Variants in ACBD5 observed in about 807,000 individuals in gnomAD.
The protein encoded by ACBD5 is acyl-CoA binding domain containing 5.
In ACBD5, 40 loss-of-function variants were observed where a neutral mutation model predicts 71.8. The ratio of observed to expected loss-of-function variants is 0.56; its 90% CI spans 0.43 to 0.72. ACBD5 has a LOEUF of 0.72. ACBD5 is among the 30% of genes least tolerant of loss of function. The pLI is 0.00. For missense variants in ACBD5, 559 were observed against 644.5 expected (o/e 0.87, Z 1.44); for synonymous variants, 229 against 218.6 (o/e 1.05, Z -0.42).
At chr10:27,232,838 C>T (rs1016653638) in intron 3 of ACBD5, among the ~76,000 whole-genome samples, 5 of 151,948 alleles carry the variant, frequency 3.3e-5, no homozygotes, top group Non-Finnish European at 7.4e-5. Context: ...TATGTTTTTC[C>T]CCGAAGGAGT....
At chr10:27,227,166 T>G (rs1164856340) in intron 4 of ACBD5, among the ~76,000 whole-genome samples, 1 of 151,984 alleles carries the variant, frequency 6.6e-6, no homozygotes, top group Admixed American at 6.6e-5. Context: ...GCTAATTTAA[T>G]ATATTATAAC....
At chr10:27,219,326 A>C (rs1188842083) in intron 6 of ACBD5, among the ~76,000 whole-genome samples, 1 of 151,062 alleles carries the variant, frequency 6.6e-6, no homozygotes, top group Non-Finnish European at 1.5e-5. Flanking sequence ...CAAAAAAAAA[A>C]CACTATGCCT....
intron 2 of ACBD5, among the ~76,000 whole-genome samples, chr10:27,238,755 G>T (rs571263465): frequency 1.3e-5 from 2 of 151,450 alleles, no homozygotes; most frequent in East Asian, 3.9e-4. Flanking sequence ...TTGAATATTT[G>T]TTACCTATAA....
At chr10:27,216,814 T>C (rs1002683355) in intron 7 of ACBD5, among the ~76,000 whole-genome samples, 13 of 152,092 alleles carry the variant, frequency 8.5e-5, no homozygotes, top group Admixed American at 7.2e-4. Context: ...TGCCTAAATG[T>C]AAGATCCAAC....
At chr10:27,194,951 A>G (rs965015511), downstream of ACBD5, among the ~76,000 whole-genome samples, 77 of 152,250 alleles carry the variant, frequency 5.1e-4, no homozygotes, top group Admixed American at 1.2e-3. Context: ...AGCCGAGATC[A>G]CGCCACTGCA....
At chr10:27,204,571 G>C in intron 11 of ACBD5, 22 bp from the exon 12 acceptor site, 2 of 1,551,604 alleles carry the variant, frequency 1.3e-6, no homozygotes, top group Non-Finnish European at 1.8e-6. Context: ...CAATAAGCTT[G>C]TCACCAATCT....
chr10:27,228,813 A>ATTTTT (rs2063453996), intron 4 of ACBD5, among the ~76,000 whole-genome samples: 3 of 7,620 alleles, frequency 3.9e-4, no homozygotes, highest in Non-Finnish European at 5.3e-4. Context: ...ATATATATAT[A>ATTTTT]TATTTTTTTT....
intron 3 of ACBD5, among the ~76,000 whole-genome samples, chr10:27,233,904 C>A (rs189719965): frequency 6.6e-6 from 1 of 151,904 alleles, no homozygotes; most frequent in East Asian, 1.9e-4. Flanking sequence ...ATTAGCTAGG[C>A]GTGGTGGCGC....
chr10:27,197,049 T>G lies in ACBD5; in HGVS notation c.*381A>C. On this transcript the variant is annotated 3_prime_UTR_variant, in exon 13 of 13. Transcript: ENST00000396271. ...AATTTAGAAAATTAAAAATAATAAC[T>G]TATAAATTTGATCTCATTATCACAA... 2.3e-6 allele frequency: 1 copy of G among 439,036 alleles called. No homozygotes were observed. The highest frequency in any genetic ancestry group is 1.7e-5 in the South Asian group (1 of 59,012). The allele number at this position is 439,036 out of a possible 1,614,324, so 27.2% of individuals were successfully genotyped here. A position where few individuals can be genotyped will look rare whatever the true frequency, so the allele number is the denominator to read the frequency against.
At chr10:27,233,174 C>G (rs1178094720) in intron 3 of ACBD5, among the ~76,000 whole-genome samples, 2 of 152,308 alleles carry the variant, frequency 1.3e-5, no homozygotes, top group East Asian at 1.9e-4. Context: ...TGCCTGTAAT[C>G]TCAGCACTTT....
At position 27,223,345 on chromosome 10, in the gene ACBD5, T is replaced by A. The variant is rs750589980; in HGVS notation, c.483A>T (p.Ile161=). The change falls in exon 5 of 13, where the codon ATA becomes ATT. Residue 161 remains isoleucine (I), a synonymous_variant. Transcript: ENST00000396271. ...TAGGTAAAATAGTCCAACCTGAGGT[T>A]ATATCAGAACTCCTGCCACTCTTTT... ...EDKKSGRSSD[I]TSDLGNVLTS... 6 of 1,610,654 alleles carry A rather than the reference T, an allele frequency of 3.7e-6. No individual in the cohort carries two copies. Among genetic ancestry groups the A allele is most frequent in the Non-Finnish European group, 5.1e-6 (6 of 1,176,966 alleles).
intron 2 of ACBD5, among the ~76,000 whole-genome samples, chr10:27,236,829 G>A (rs527330104): frequency 1.7e-4 from 24 of 143,254 alleles, no homozygotes; most frequent in African/African-American, 3.9e-4. Flanking sequence ...TGGTTGCAGT[G>A]AGCCAAGATC....
At chr10:27,218,439 CAA>C (rs1485477862) in intron 6 of ACBD5, among the ~76,000 whole-genome samples, 1 of 152,170 alleles carries the variant, frequency 6.6e-6, no homozygotes, top group Non-Finnish European at 1.5e-5. Flanking sequence ...AGTAATCTCT[CAA>C]AGTCTTTTTA....
At chr10:27,192,754 G>A (rs1262128), downstream of ACBD5, among the ~76,000 whole-genome samples, 2 of 151,974 alleles carry the variant, frequency 1.3e-5, no homozygotes, top group African/African-American at 2.4e-5. Flanking sequence ...GGTGGATCAC[G>A]AGGTCAGGAG....
At chr10:27,226,449 T>TAC (rs66967226) in intron 4 of ACBD5, among the ~76,000 whole-genome samples, 6,282 of 134,910 alleles carry the variant, frequency 0.047, 266 homozygotes, top group East Asian at 0.13. Context: ...AGATACAGAC[T>TAC]ACACACACAC....
intron 13 of ACBD5, among the ~76,000 whole-genome samples, chr10:27,184,918 A>G (rs748311691): frequency 1.3e-5 from 2 of 152,206 alleles, no homozygotes; most frequent in Non-Finnish European, 2.9e-5. Flanking sequence ...ACAGGTAATG[A>G]AATGGCAGTA....
Position 27,205,215 on chromosome 10 carries a change from G to A in ACBD5, c.1438C>T (p.Pro480Ser), listed in dbSNP as rs775522108. Residue 480 changes from proline (P) to serine (S), a missense_variant, in exon 11 of 13, where the codon CCT becomes TCT. By Grantham distance (74) the Pro-to-Ser change is moderately conservative. Coordinates refer to ENST00000396271, the MANE Select transcript of ACBD5 (RefSeq NM_145698.5). ...TGTCTTACCTGTGAGGTGGGCTGAGGAGCAGTCTGCAATGTTGATGTTGAT... is the reference window on the plus strand; with the variant it reads ...TGTCTTACCTGTGAGGTGGGCTGAGAAGCAGTCTGCAATGTTGATGTTGAT... ...KSSTSTLQTA[P>S]QPTSQRPSWW... 3 of 1,613,028 alleles carry A rather than the reference G, an allele frequency of 1.9e-6. No homozygotes were observed. The highest frequency in any genetic ancestry group is 8.5e-7 in the Non-Finnish European group (1 of 1,179,616).
chr10:27,206,807 C>T (rs566007685), intron 10 of ACBD5, among the ~76,000 whole-genome samples: 7 of 151,906 alleles, frequency 4.6e-5, no homozygotes, highest in South Asian at 2.1e-4. Flanking sequence ...TGAGTCACCG[C>T]GCCCGGTCAT....
At chr10:27,238,174 T>G (rs889686661) in intron 2 of ACBD5, among the ~76,000 whole-genome samples, 2 of 151,816 alleles carry the variant, frequency 1.3e-5, no homozygotes, top group Admixed American at 6.6e-5. Context: ...CTCAATCTCC[T>G]GACCTTGTGA....
Sources: gnomAD v4.1 joint callset for allele counts (sites outside exome capture counted in the v4.1 genomes callset) on GRCh38, gnomAD v4.1.1 for gene constraint, MANE v1.5 for transcripts, NCBI Gene and HGNC (gene_info 2026-07-23, HGNC 2026-07-21) for gene names.